Variants in CHST9 observed in about 807,000 individuals in gnomAD.
CHST9 encodes GalNAc-4-sulfotransferase 2.
In CHST9, 41 loss-of-function variants were observed where a neutral mutation model predicts 44.4. The ratio of observed to expected loss-of-function variants is 0.92; its 90% CI spans 0.72 to 1.20. CHST9 has a LOEUF of 1.20. Ranked by LOEUF, CHST9 falls within the 50% of genes most tolerant of loss-of-function variation. The pLI is 0.00. For missense variants in CHST9, 504 were observed against 516.5 expected (o/e 0.98, Z 0.23); for synonymous variants, 171 against 178.4 (o/e 0.96, Z 0.33).
chr18:26,971,493 A>G (rs1002175150), intron 4 of CHST9, among the ~76,000 whole-genome samples: 6 of 152,252 alleles, frequency 3.9e-5, no homozygotes, highest in African/African-American at 1.2e-4. Flanking sequence ...TTGCCAAGTC[A>G]CAGTGGCTTA....
At chr18:27,070,429 T>C (rs569238947) in intron 2 of CHST9, among the ~76,000 whole-genome samples, 80 of 152,332 alleles carry the variant, frequency 5.3e-4, no homozygotes, top group African/African-American at 1.9e-3. Flanking sequence ...ATAATTTTGA[T>C]CATCTTTCCA....
intron 1 of CHST9, among the ~76,000 whole-genome samples, chr18:27,176,743 A>G (rs1235366488): frequency 6.6e-6 from 1 of 152,026 alleles, no homozygotes; most frequent in East Asian, 1.9e-4. Context: ...AGTACTTGGT[A>G]TATGTATGTT....
At position 26,914,451 on chromosome 18, in the gene CHST9, ATCTAC is replaced by A. The variant is rs2055484102; in HGVS notation, c.*1803_*1807del. 6.6e-6 allele frequency: 1 copy of A among 152,540 alleles called. No individual in the cohort carries two copies. The highest frequency in any genetic ancestry group is 1.5e-5 in the Non-Finnish European group (1 of 68,278). The allele number at this position is 152,540 out of a possible 1,614,324, so 9.4% of individuals were successfully genotyped here. A position where few individuals can be genotyped will look rare whatever the true frequency, so the allele number is the denominator to read the frequency against. ...TTTCAATTTCCCTAAATTACTAGGA[ATCTAC>A]TCTACATGGTGCAGCAAAATTTTAA... On this transcript the variant is annotated 3_prime_UTR_variant, in exon 6 of 6. Transcript: ENST00000618847.
chr18:27,131,563 C>T (rs2058472139), intron 2 of CHST9, among the ~76,000 whole-genome samples: 1 of 151,970 alleles, frequency 6.6e-6, no homozygotes, highest in Admixed American at 6.5e-5. Flanking sequence ...AAAAACAAAA[C>T]AGAACAAAAA....
chr18:26,964,750 C>G (rs2056443649), intron 4 of CHST9, among the ~76,000 whole-genome samples: 1 of 152,222 alleles, frequency 6.6e-6, no homozygotes, highest in Admixed American at 6.5e-5. Flanking sequence ...ATGGAAAACA[C>G]TTTCTTGGAG....
At chr18:27,022,448 CTT>C (rs546876484) in intron 4 of CHST9, among the ~76,000 whole-genome samples, 121 of 152,292 alleles carry the variant, frequency 7.9e-4, no homozygotes, top group Non-Finnish European at 1.1e-3. Context: ...CATTTCAACT[CTT>C]TATGCAAAAG....
intron 3 of CHST9, among the ~76,000 whole-genome samples, chr18:27,025,829 A>G (rs2057279627): frequency 6.6e-6 from 1 of 152,180 alleles, no homozygotes; most frequent in African/African-American, 2.4e-5. Context: ...GCTTAGTGAT[A>G]AGAATATTGT....
At chr18:26,955,708 A>G (rs1367965077) in intron 4 of CHST9, among the ~76,000 whole-genome samples, 1 of 152,160 alleles carries the variant, frequency 6.6e-6, no homozygotes, top group East Asian at 1.9e-4. Context: ...AATAAGGAAG[A>G]GGCAGGTGAT....
chr18:27,062,778 C>T (rs1181592459), intron 2 of CHST9, among the ~76,000 whole-genome samples: 2 of 152,204 alleles, frequency 1.3e-5, no homozygotes, highest in African/African-American at 4.8e-5. Flanking sequence ...GTCCCACCAA[C>T]AGTGTAAAAG....
chr18:27,037,454 C>G (rs1286461109), intron 3 of CHST9, among the ~76,000 whole-genome samples: 1 of 152,148 alleles, frequency 6.6e-6, no homozygotes, highest in Admixed American at 6.5e-5. Flanking sequence ...CTTTCGGAGG[C>G]CAAGGCAGGA....
chr18:27,053,137 GAAGAAGAAGAAGAAGAAGAAGAA>G (rs2057591326), intron 2 of CHST9, among the ~76,000 whole-genome samples: 2 of 83,742 alleles, frequency 2.4e-5, no homozygotes, highest in African/African-American at 9.3e-5. Context: ...AGAGGAAGAA[GAAGAAGAAGAAGAAGAAGAAGAA>G]GAAGAAGAAG....
rs527919169 is a variant in CHST9 at position 27,072,262 on chromosome 18, G to A, written c.122-23759C>T. ...TCCTTGCAGTCTGCAATAAAGCTTT[G>A]TTGTTTGAAGCCAGGATGTAGAATA... On this transcript the variant is annotated intron_variant, in intron 2 of 5. Coordinates refer to ENST00000618847, the MANE Select transcript of CHST9 (RefSeq NM_031422.6). 2.6e-4 allele frequency among the ~76,000 whole-genome samples: 40 copies of A among 152,296 alleles called. 1 individual carries two copies. Among genetic ancestry groups the A allele is most frequent in the Middle Eastern group, 6.8e-3 (2 of 294 alleles).
At chr18:26,964,967 G>A (rs574528285) in intron 4 of CHST9, among the ~76,000 whole-genome samples, 1 of 152,306 alleles carries the variant, frequency 6.6e-6, no homozygotes, top group South Asian at 2.1e-4. Flanking sequence ...GATGGCGATG[G>A]CAGGAGCCTT....
chr18:26,913,475 A>C lies in CHST9; in HGVS notation c.*2784T>G, dbSNP rs2055469763. On this transcript the variant is annotated 3_prime_UTR_variant, in exon 6 of 6. Coordinates refer to ENST00000618847, the MANE Select transcript of CHST9 (RefSeq NM_031422.6). ...TATTGCACATCTATAGATAGTTTAC[A>C]GGTTACATAACTGTGGTTTTGGATT... 3 of 152,332 alleles carry C rather than the reference A, an allele frequency of 2.0e-5. No individual in the cohort carries two copies. Among genetic ancestry groups the C allele is most frequent in the Admixed American group, 2.0e-4 (3 of 15,298 alleles). The allele number at this position is 152,332 out of a possible 1,614,324, so 9.4% of individuals were successfully genotyped here. A position where few individuals can be genotyped will look rare whatever the true frequency, so the allele number is the denominator to read the frequency against.
intron 4 of CHST9, among the ~76,000 whole-genome samples, chr18:26,948,499 A>C (rs2056198061): frequency 6.6e-6 from 1 of 152,338 alleles, no homozygotes; most frequent in Non-Finnish European, 1.5e-5. Context: ...GCAGCACTAC[A>C]AAACCTTAGT....
chr18:26,933,677 C>T (rs1430824151), intron 5 of CHST9: 3 of 153,734 alleles, frequency 2.0e-5, no homozygotes, highest in African/African-American at 7.2e-5. Flanking sequence ...ATTTACTGAG[C>T]ACCTACTATG....
rs955742768 is a variant in CHST9, at chr18:26,915,922, C to T, written c.*337G>A. 5.1e-6 allele frequency: 1 copy of T among 197,552 alleles called. No individual in the cohort carries two copies. The allele number at this position is 197,552 out of a possible 1,614,324, so 12.2% of individuals were successfully genotyped here. A position where few individuals can be genotyped will look rare whatever the true frequency, so the allele number is the denominator to read the frequency against. On this transcript the variant is annotated 3_prime_UTR_variant, in exon 6 of 6. Transcript: ENST00000618847. ...ATAAATTTCAGGATATAGACATACA[C>T]TCATGCTATTTGAGATCCTTTTTTC...
chr18:26,908,986 A>G lies in CHST9; in HGVS notation c.*7273T>C, dbSNP rs993982214. 5 of 152,332 alleles carry G rather than the reference A, an allele frequency of 3.3e-5. No individual in the cohort carries two copies. The highest frequency in any genetic ancestry group is 3.3e-4 in the Admixed American group (5 of 15,302). The allele number at this position is 152,332 out of a possible 1,614,324, so 9.4% of individuals were successfully genotyped here. ...TTCAATGTGAAGTTGAGTTGCCAAAATTGCCTTCAGTACACATTTGTCTTT... is the reference window on the plus strand; with the variant it reads ...TTCAATGTGAAGTTGAGTTGCCAAAGTTGCCTTCAGTACACATTTGTCTTT... On this transcript the variant is annotated 3_prime_UTR_variant, in exon 6 of 6. Coordinates refer to ENST00000618847, the MANE Select transcript of CHST9 (RefSeq NM_031422.6).
chr18:27,004,378 C>A (rs2056988565), intron 4 of CHST9, among the ~76,000 whole-genome samples: 2 of 151,076 alleles, frequency 1.3e-5, no homozygotes, highest in African/African-American at 4.9e-5. Flanking sequence ...CTTTCCTTAA[C>A]AACACATTTG....
Sources: allele counts gnomAD v4.1 joint callset (sites outside exome capture counted in the v4.1 genomes callset), GRCh38; gene constraint gnomAD v4.1.1; transcripts MANE v1.5; gene names NCBI Gene and HGNC (gene_info 2026-07-23, HGNC 2026-07-21).